CDC42BPB: variants seen among roughly 807,000 people sequenced by gnomAD.
The protein encoded by CDC42BPB is serine/threonine-protein kinase MRCK beta.
Under a neutral mutation model 214.9 loss-of-function variants are expected in CDC42BPB, and 37 were observed. The observed-to-expected ratio is 0.17, with a 90% CI of 0.13 to 0.23. CDC42BPB has a LOEUF of 0.23. Among genes scored for constraint, CDC42BPB ranks in the 10% least tolerant of loss-of-function variants. CDC42BPB has a pLI of 1.00. For missense variants in CDC42BPB, 1,694 were observed against 2,227.0 expected, an observed-to-expected ratio of 0.76 and a Z score of 4.82; for synonymous variants, 931 against 884.0, an observed-to-expected ratio of 1.05 and a Z score of -0.94.
chr14:103,011,994 T>C, intron 2 of CDC42BPB, 103 bp downstream of exon 2: 1 of 756,520 alleles, frequency 1.3e-6, no homozygotes, highest in Non-Finnish European at 2.4e-6. Flanking sequence ...TAATACTAAT[T>C]ACCTCATCCC....
Position 102,936,295 on chromosome 14 carries a change from C to G in CDC42BPB, c.5004+1809G>C, listed in dbSNP as rs58330121. ...AGGCACTCAAACACATATGTGCACA[C>G]ACGTGTTCACAGCAGCACCACTCAC... On this transcript the variant is annotated intron_variant, in intron 36 of 36. Coordinates refer to ENST00000361246, the MANE Select transcript of CDC42BPB (RefSeq NM_006035.4). Among the ~76,000 whole-genome samples, 574 of 152,316 alleles carry G rather than the reference C, an allele frequency of 3.8e-3. 7 individuals carry two copies. The highest frequency in any genetic ancestry group is 0.013 in the African/African-American group (558 of 41,572).
chr14:102,995,920 T>C (rs2139578657), intron 5 of CDC42BPB, among the ~76,000 whole-genome samples: 1 of 152,370 alleles, frequency 6.6e-6, no homozygotes, highest in Admixed American at 6.5e-5. Context: ...CTCTGTTCTA[T>C]TTTTAGATTG....
chr14:103,045,158 G>A (rs1431826331), intron 1 of CDC42BPB, among the ~76,000 whole-genome samples: 1 of 152,176 alleles, frequency 6.6e-6, no homozygotes, highest in Non-Finnish European at 1.5e-5. Flanking sequence ...CAAGGGTGAA[G>A]TACAACACAG....
At chr14:102,938,889 A>G (rs1375474551) in intron 34 of CDC42BPB, among the ~76,000 whole-genome samples, 1 of 150,916 alleles carries the variant, frequency 6.6e-6, no homozygotes, top group Non-Finnish European at 1.5e-5. Flanking sequence ...TGGCCTCCCA[A>G]AGTGCTGGAA....
rs373502609 is a variant in CDC42BPB at position 102,947,851 on chromosome 14, C to G, written c.3450-49G>C. 6.2e-6 allele frequency: 10 copies of G among 1,609,518 alleles called. No homozygotes were observed. In the African/African-American group the frequency reaches 9.4e-5, roughly 15 times the overall value. ...CCGCTGGGAGACACGCGCACAGGAC[C>G]CAAGGCCCTCCCACGCCCTGCCCTG... On this transcript the variant is annotated intron_variant, in intron 26 of 36. Coordinates refer to ENST00000361246, the MANE Select transcript of CDC42BPB (RefSeq NM_006035.4).
rs1316731630 is a variant in CDC42BPB at position 102,975,809 on chromosome 14, G to A, written c.1388-6C>T. On this transcript the variant is annotated splice_region_variant and splice_polypyrimidine_tract_variant and intron_variant, in intron 10 of 36. Coordinates refer to ENST00000361246, the MANE Select transcript of CDC42BPB (RefSeq NM_006035.4). ...CTGCACGGTCTGGGTGGACTCTGAG[G>A]GATGGAGAGACAGCGTGAGGTGCAG... The A allele has an allele frequency of 6.2e-7, 1 of 1,614,138 alleles. No homozygotes were observed. Among genetic ancestry groups the A allele is most frequent in the East Asian group, 2.2e-5 (1 of 44,874 alleles).
chr14:102,945,846 A>G, intron 28 of CDC42BPB, 122 bp from the exon 29 acceptor site: 1 of 785,720 alleles, frequency 1.3e-6, no homozygotes, highest in Admixed American at 2.0e-5. Context: ...AGAATACAGC[A>G]TTCCAGGGAT....
chr14:103,006,896 A>G (rs969381326), intron 3 of CDC42BPB, among the ~76,000 whole-genome samples: 1 of 152,200 alleles, frequency 6.6e-6, no homozygotes, highest in African/African-American at 2.4e-5. Flanking sequence ...ATTTAGGTAA[A>G]TACCAAACAC....
chr14:102,994,256 G>A (rs1894624377), intron 5 of CDC42BPB, among the ~76,000 whole-genome samples: 1 of 152,200 alleles, frequency 6.6e-6, no homozygotes, highest in African/African-American at 2.4e-5. Context: ...AAGACAGGCC[G>A]AGGAGGGGTC....
At chr14:102,959,838 TAAA>T (rs35833302) in intron 20 of CDC42BPB, 128 bp from the exon 21 acceptor site, 4,657 of 712,586 alleles carry the variant, frequency 6.5e-3, no homozygotes, top group South Asian at 8.3e-3. Context: ...TGATCACAAT[TAAA>T]AAAAAAAAAA....
intron 1 of CDC42BPB, among the ~76,000 whole-genome samples, chr14:103,047,365 T>C (rs1407431341): frequency 6.7e-6 from 1 of 150,140 alleles, no homozygotes; most frequent in Non-Finnish European, 1.5e-5. Context: ...GACCCAAGCG[T>C]CCCAATCAAA....
At chr14:103,053,638 T>G (rs1888761522) in intron 1 of CDC42BPB, among the ~76,000 whole-genome samples, 1 of 150,436 alleles carries the variant, frequency 6.6e-6, no homozygotes, top group East Asian at 2.0e-4. Context: ...GGCGGGCGCC[T>G]GTAGTCCCAG....
At chr14:103,054,015 A>G (rs1422868192) in intron 1 of CDC42BPB, among the ~76,000 whole-genome samples, 3 of 151,632 alleles carry the variant, frequency 2.0e-5, no homozygotes, top group African/African-American at 4.8e-5. Context: ...TAATTTTTAT[A>G]TTTTTATAAA....
At chr14:103,035,817 G>T (rs1887631723) in intron 1 of CDC42BPB, among the ~76,000 whole-genome samples, 1 of 151,790 alleles carries the variant, frequency 6.6e-6, no homozygotes, top group African/African-American at 2.4e-5. Context: ...TCCAGCCTGG[G>T]TGACAGAGCA....
intron 1 of CDC42BPB, among the ~76,000 whole-genome samples, chr14:103,054,436 A>G (rs1294076515): frequency 6.6e-6 from 1 of 152,246 alleles, no homozygotes; most frequent in African/African-American, 2.4e-5. Flanking sequence ...GACAGCCTAT[A>G]TGTGTTTCCT....
chr14:103,012,269 C>G (rs1209998958), intron 1 of CDC42BPB, 81 bp from the exon 2 acceptor site: 1 of 1,480,706 alleles, frequency 6.8e-7, no homozygotes, highest in East Asian at 2.4e-5. Context: ...GGGTGTTGCA[C>G]TAAGTTATAC....
intron 1 of CDC42BPB, among the ~76,000 whole-genome samples, chr14:103,019,778 T>C (rs1238611824): frequency 6.6e-6 from 1 of 152,194 alleles, no homozygotes; most frequent in Non-Finnish European, 1.5e-5. Context: ...TACCCCGAAC[T>C]GTCCCCTAAA....
chr14:103,031,531 C>T (rs1265576137), intron 1 of CDC42BPB, among the ~76,000 whole-genome samples: 1 of 152,200 alleles, frequency 6.6e-6, no homozygotes, highest in African/African-American at 2.4e-5. Flanking sequence ...TAAACAAACG[C>T]TGCAGTAAAA....
At position 103,004,993 on chromosome 14, in the gene CDC42BPB, C is replaced by A. The variant is rs1161484680; in HGVS notation, c.352-970G>T. Among the ~76,000 whole-genome samples the A allele has an allele frequency of 6.6e-6, 1 of 151,900 alleles. No homozygotes were observed. Among genetic ancestry groups the A allele is most frequent in the Non-Finnish European group, 1.5e-5 (1 of 67,982 alleles). On this transcript the variant is annotated intron_variant, in intron 3 of 36. Transcript: ENST00000361246. This position sits in a 1 kb window ranked among gnomAD's most constrained non-coding sequence, Gnocchi z 5.3. ...CCATCCTGGCTAACACCGTGAAACC[C>A]CGTCTCTATTAAAAATACAAAAAAA...
Sources: allele counts gnomAD v4.1 joint callset (sites outside exome capture counted in the v4.1 genomes callset), GRCh38; gene constraint gnomAD v4.1.1; non-coding constraint Gnocchi (gnomAD v3.1); transcripts MANE v1.5; gene names NCBI Gene and HGNC (gene_info 2026-07-23, HGNC 2026-07-21).